The following SDCBP2 variants were observed in gnomAD, a reference collection of about 807,000 sequenced individuals.
SDCBP2 encodes the protein syntenin-2.
In SDCBP2, 28 loss-of-function variants were observed where a neutral mutation model predicts 30.7. The ratio of observed to expected loss-of-function variants is 0.91; its 90% CI spans 0.68 to 1.25. SDCBP2 has a LOEUF of 1.25. Ranked by LOEUF, SDCBP2 falls within the 50% of genes most tolerant of loss-of-function variation. The pLI is 0.00. For missense variants in SDCBP2, 399 were observed against 379.0 expected, an observed-to-expected ratio of 1.05 and a Z score of -0.44; for synonymous variants, 166 against 157.3, an observed-to-expected ratio of 1.06 and a Z score of -0.41.
chr20:1,320,460 G>T lies in SDCBP2; in HGVS notation c.-19-25C>A. 6.3e-7 allele frequency: 1 copy of T among 1,575,354 alleles called. No individual in the cohort carries two copies. On this transcript the variant is annotated intron_variant, in intron 1 of 8. Transcript: ENST00000360779. The surrounding 1 kb of genome is among the most constrained non-coding windows in gnomAD (Gnocchi z 4.7). Reference sequence around the variant, plus strand: ...CCTGCAGAGTGCAGAGGGTGGGGAAGGATAAGGATGCAGCTGATGCCCCCT... The same window carrying T: ...CCTGCAGAGTGCAGAGGGTGGGGAATGATAAGGATGCAGCTGATGCCCCCT...
Position 1,313,211 on chromosome 20 carries a change from C to A in SDCBP2, c.384+129G>T. 1.0e-6 allele frequency: 1 copy of A among 1,002,136 alleles called. No individual in the cohort carries two copies. 62.1% of individuals were successfully genotyped at this position (1,002,136 alleles called of 1,614,324 possible). On this transcript the variant is annotated intron_variant, in intron 5 of 8. Transcript: ENST00000360779. The surrounding 1 kb of genome is among the most constrained non-coding windows in gnomAD (Gnocchi z 5.2). ...GGGGAGGAGGGACTGGGGGCAAGAG[C>A]CTGGCCGCTGGGGTTAGGAGGCCCG...
intron 4 of SDCBP2, among the ~76,000 whole-genome samples, chr20:1,316,536 C>T (rs55925447): frequency 0.015 from 2,247 of 152,210 alleles, 28 homozygotes; most frequent in Non-Finnish European, 0.024. Flanking sequence ...GCTACAGGCA[C>T]AAGCCACCAT....
Position 1,310,441 on chromosome 20 carries a change from TCAGGCATCTGGGATGGAGTGGTCC to T in SDCBP2, c.855_878del (p.Met285_Ter293delinsIle). On this transcript the variant is annotated stop_lost and inframe_deletion, in exon 9 of 9. Transcript: ENST00000360779. ...CTGCCTGCCCTGCCCTGCAGTGGCT[TCAGGCATCTGGGATGGAGTGGTCC>T]ATGGTGTGGTGGAGCAGGACTGGAG... The T allele has an allele frequency of 1.2e-6, 2 of 1,613,376 alleles. No homozygotes were observed. The highest frequency in any genetic ancestry group is 1.7e-6 in the Non-Finnish European group (2 of 1,179,886).
chr20:1,318,942 T>C (rs1305848328), intron 3 of SDCBP2, among the ~76,000 whole-genome samples: 1 of 152,222 alleles, frequency 6.6e-6, no homozygotes, highest in Non-Finnish European at 1.5e-5. Flanking sequence ...ACCTTGATCT[T>C]GGGCTTCCAG....
At position 1,313,529 on chromosome 20, in the gene SDCBP2, C is replaced by T. The variant is rs1568559651; in HGVS notation, c.226-31G>A. 1.1e-5 allele frequency: 17 copies of T among 1,546,450 alleles called. No homozygotes were observed. In the South Asian group the frequency reaches 1.3e-4, roughly 12 times the overall value. On this transcript the variant is annotated intron_variant, in intron 4 of 8. Coordinates refer to ENST00000360779, the MANE Select transcript of SDCBP2 (RefSeq NM_080489.5). This position sits in a 1 kb window ranked among gnomAD's most constrained non-coding sequence, Gnocchi z 5.2. Reference sequence around the variant, plus strand: ...GACACCAGGGGGCAGGGGGTCAGCCCGGCCCGTGGGGACCCTGTGCCTCAG... The same window carrying T: ...GACACCAGGGGGCAGGGGGTCAGCCTGGCCCGTGGGGACCCTGTGCCTCAG...
Position 1,313,081 on chromosome 20 carries a change from C to T in SDCBP2, c.384+259G>A. 1 of 590,812 alleles carries T rather than the reference C, an allele frequency of 1.7e-6. No homozygotes were observed. The highest frequency in any genetic ancestry group is 3.0e-6 in the Non-Finnish European group (1 of 333,298). 36.6% of individuals were successfully genotyped at this position (590,812 alleles called of 1,614,324 possible). A position where few individuals can be genotyped will look rare whatever the true frequency, so the allele number is the denominator to read the frequency against. On this transcript the variant is annotated intron_variant, in intron 5 of 8. Transcript: ENST00000360779. The surrounding 1 kb of genome is among the most constrained non-coding windows in gnomAD (Gnocchi z 5.2). ...TCGCCTGGAAGCTAGATGCCCTGGG[C>T]AGCGAAGGGCAGGTGGGGAAGGGAG...
chr20:1,315,036 T>C (rs2088755930), intron 4 of SDCBP2, among the ~76,000 whole-genome samples: 2 of 152,220 alleles, frequency 1.3e-5, no homozygotes, highest in African/African-American at 4.8e-5. Flanking sequence ...CAAAGGAATT[T>C]AGAATAGCTA....
At chr20:1,325,944 T>C (rs555864370) in intron 1 of SDCBP2, 60 of 152,340 alleles carry the variant, frequency 3.9e-4, no homozygotes, top group African/African-American at 1.4e-3. Flanking sequence ...ACTGGGCTTC[T>C]GCTGCCTAGG....
chr20:1,315,443 C>T (rs978589792), intron 4 of SDCBP2, among the ~76,000 whole-genome samples: 7 of 152,106 alleles, frequency 4.6e-5, no homozygotes, highest in African/African-American at 1.2e-4. Context: ...ATGGGAGGAT[C>T]GCTTGAGCCC....
chr20:1,312,587 C>T lies in SDCBP2; in HGVS notation c.560G>A (p.Arg187Lys), dbSNP rs772670550. The T allele has an allele frequency of 6.8e-6, 11 of 1,613,748 alleles. No homozygotes were observed. In the South Asian group the frequency reaches 1.1e-4, roughly 16 times the overall value. ...GDKIVVVVRD[R>K]PFQRTVTMHK... ...AGGCTGCCCGGGCCTGGCTACTCAC[C>T]TGTCCCGAACCACCACGACAATCTT... Residue 187 changes from arginine (R) to lysine (K), a missense_variant and splice_region_variant, in exon 6 of 9, where the codon AGG (arginine) becomes AAG (lysine). Coordinates refer to ENST00000360779, the MANE Select transcript of SDCBP2 (RefSeq NM_080489.5).
chr20:1,318,992 T>C (rs1240227643), intron 3 of SDCBP2, among the ~76,000 whole-genome samples: 2 of 152,196 alleles, frequency 1.3e-5, no homozygotes, highest in African/African-American at 4.8e-5. Flanking sequence ...GCTGTTGAAG[T>C]CATCCAGCCT....
Position 1,310,374 on chromosome 20 carries a change from G to C in SDCBP2, c.*67C>G, listed in dbSNP as rs11449. The C allele has an allele frequency of 1.3e-6, 2 of 1,521,336 alleles. No individual in the cohort carries two copies. The highest frequency in any genetic ancestry group is 1.4e-5 in the African/African-American group (1 of 73,016). The allele number at this position is 1,521,336 out of a possible 1,614,324, so 94.2% of individuals were successfully genotyped here. On this transcript the variant is annotated 3_prime_UTR_variant, in exon 9 of 9. Transcript: ENST00000360779. The stretch of plus-strand genomic sequence containing the variant: ...GCAGGCCGGCTGCAACCCATCATCC[G>C]AGGGTGGTTGCCCTTTGCTGCAGGA...
rs2088719525 is a variant in SDCBP2 at position 1,313,540 on chromosome 20, G to T, written c.226-42C>A. ...GCAGGGGGTCAGCCCGGCCCGTGGGGACCCTGTGCCTCAGGAGACACTGGG... is the reference window on the plus strand; with the variant it reads ...GCAGGGGGTCAGCCCGGCCCGTGGGTACCCTGTGCCTCAGGAGACACTGGG... On this transcript the variant is annotated intron_variant, in intron 4 of 8. Transcript: ENST00000360779. This position sits in a 1 kb window ranked among gnomAD's most constrained non-coding sequence, Gnocchi z 5.2. 1.3e-6 allele frequency: 2 copies of T among 1,532,470 alleles called. No homozygotes were observed. Among genetic ancestry groups the T allele is most frequent in the South Asian group, 1.2e-5 (1 of 82,334 alleles). 94.9% of individuals were successfully genotyped at this position (1,532,470 alleles called of 1,614,324 possible). A position where few individuals can be genotyped will look rare whatever the true frequency, so the allele number is the denominator to read the frequency against.
At position 1,313,568 on chromosome 20, in the gene SDCBP2, G is replaced by T. The variant is rs2088720015; in HGVS notation, c.226-70C>A. ...CCTGTGCCTCAGGAGACACTGGGGT[G>T]GGGGTAGGGATGGGGAAAGGAGGAT... is the stretch of plus-strand genomic sequence containing the variant. On this transcript the variant is annotated intron_variant, in intron 4 of 8. Coordinates refer to ENST00000360779, the MANE Select transcript of SDCBP2 (RefSeq NM_080489.5). This position sits in a 1 kb window ranked among gnomAD's most constrained non-coding sequence, Gnocchi z 5.2. 6.7e-6 allele frequency: 10 copies of T among 1,483,130 alleles called. No individual in the cohort carries two copies. The highest frequency in any genetic ancestry group is 8.9e-6 in the Non-Finnish European group (10 of 1,118,152). The allele number at this position is 1,483,130 out of a possible 1,614,324, so 91.9% of individuals were successfully genotyped here.
In SDCBP2 at chr20:1,324,504, A is replaced by G. The variant is rs1172928985; in HGVS notation, c.-19-4069T>C. The G allele has an allele frequency of 6.6e-6, 1 of 152,172 alleles. No homozygotes were observed. Among genetic ancestry groups the G allele is most frequent in the Non-Finnish European group, 1.5e-5 (1 of 68,032 alleles). The allele number at this position is 152,172 out of a possible 1,614,324, so 9.4% of individuals were successfully genotyped here. On this transcript the variant is annotated intron_variant, in intron 1 of 8. Transcript: ENST00000360779. This position sits in a 1 kb window ranked among gnomAD's most constrained non-coding sequence, Gnocchi z 4.7. ...GACAGTCCATTACAGTCACCATAAC[A>G]AATGGTCCTGTCCCGCACAACTTTC...
In SDCBP2 at chr20:1,312,727, AG is replaced by A. The variant is rs1466699649; in HGVS notation, c.419del (p.Pro140LeufsTer33). On this transcript the variant is annotated frameshift_variant, in exon 6 of 9. Coordinates refer to ENST00000360779, the MANE Select transcript of SDCBP2 (RefSeq NM_080489.5). LOFTEE classifies it high-confidence loss of function. ...CAAAGCGCAGCCCCACAAGGGATGC[AG>A]GGGTGTTGGCCTGGACCAACTGCAC... ...LFVQLVQANT[P>X]ASLVGLRFGD... The A allele has an allele frequency of 1.2e-6, 2 of 1,613,820 alleles. No homozygotes were observed. Among genetic ancestry groups the A allele is most frequent in the South Asian group, 2.2e-5 (2 of 91,066 alleles).
At chr20:1,318,066 C>T (rs970534974) in intron 4 of SDCBP2, 2 of 537,782 alleles carry the variant, frequency 3.7e-6, no homozygotes, top group Non-Finnish European at 7.1e-6. Flanking sequence ...CCAGCTCAGG[C>T]CCAAGGTCAA....
At chr20:1,311,900 C>CCTTT (rs537315028) in intron 7 of SDCBP2, among the ~76,000 whole-genome samples, 1 of 121,110 alleles carries the variant, frequency 8.3e-6, no homozygotes, top group Non-Finnish European at 1.6e-5. Context: ...GGTACACTGT[C>CCTTT]TTTTTTTTTT....
Position 1,318,307 on chromosome 20 carries a change from C to A in SDCBP2, c.225+11G>T, listed in dbSNP as rs754008622. 6.3e-7 allele frequency: 1 copy of A among 1,599,194 alleles called. No homozygotes were observed. The highest frequency in any genetic ancestry group is 8.6e-7 in the Non-Finnish European group (1 of 1,166,382). ...TTCTGCGCCCGCAGCAGGCAGAAGC[C>A]AAATACATACACTGTCACCCTCTGG... is the stretch of plus-strand genomic sequence containing the variant. On this transcript the variant is annotated intron_variant, in intron 4 of 8. Coordinates refer to ENST00000360779, the MANE Select transcript of SDCBP2 (RefSeq NM_080489.5).
Sources: allele counts gnomAD v4.1 joint callset (sites outside exome capture counted in the v4.1 genomes callset), GRCh38; gene constraint gnomAD v4.1.1; non-coding constraint Gnocchi (gnomAD v3.1); transcripts MANE v1.5; gene names NCBI Gene and HGNC (gene_info 2026-07-23, HGNC 2026-07-21).